KANSL1L: variants seen among roughly 807,000 people sequenced by gnomAD.
KANSL1L encodes KAT8 regulatory NSL complex subunit 1 like, also known as KAT8 regulatory NSL complex subunit 1-like protein.
Under a neutral mutation model 108.6 loss-of-function variants are expected in KANSL1L, and 25 were observed. That is an observed-to-expected ratio of 0.23 (90% CI 0.17 to 0.32). The LOEUF is 0.32. Among genes scored for constraint, KANSL1L ranks in the 10% least tolerant of loss-of-function variants. KANSL1L has a pLI of 1.00. For synonymous variants in KANSL1L, 405 were observed against 395.1 expected (o/e 1.03, Z -0.30); for missense variants, 1,137 against 1,125.7 (o/e 1.01, Z -0.14).
intron 3 of KANSL1L, among the ~76,000 whole-genome samples, chr2:210,123,551 G>A (rs1473053763): frequency 2.0e-5 from 3 of 151,888 alleles, no homozygotes; most frequent in Non-Finnish European, 4.4e-5. Context: ...GGAGAATGGG[G>A]ATGGCTAATG....
intron 3 of KANSL1L, among the ~76,000 whole-genome samples, chr2:210,111,978 G>T (rs2094910418): frequency 6.7e-6 from 1 of 149,620 alleles, no homozygotes; most frequent in Non-Finnish European, 1.5e-5. Context: ...GTGAGAACAT[G>T]CGGTGTTTGG....
chr2:210,072,098 AT>A (rs903914701), intron 6 of KANSL1L, among the ~76,000 whole-genome samples: 16 of 152,202 alleles, frequency 1.1e-4, no homozygotes, highest in Admixed American at 2.6e-4. Flanking sequence ...TGTCCCAATA[AT>A]TTTTTTTCCC....
At chr2:210,147,940 C>T (rs920147404) in intron 2 of KANSL1L, among the ~76,000 whole-genome samples, 1 of 152,112 alleles carries the variant, frequency 6.6e-6, no homozygotes, top group African/African-American at 2.4e-5. Flanking sequence ...TATGGGTCTG[C>T]AAAAACTTAA....
At chr2:210,136,787 A>G (rs2095177710) in intron 2 of KANSL1L, among the ~76,000 whole-genome samples, 1 of 152,216 alleles carries the variant, frequency 6.6e-6, no homozygotes, top group South Asian at 2.1e-4. Flanking sequence ...CTGAAAAGAA[A>G]TAGGATAAAA....
intron 1 of KANSL1L, among the ~76,000 whole-genome samples, chr2:210,161,412 C>A (rs1014007616): frequency 9.9e-5 from 15 of 152,058 alleles, no homozygotes; most frequent in Non-Finnish European, 2.1e-4. Context: ...TATTTCATAC[C>A]TTATATAAAA....
In KANSL1L at chr2:210,154,308, T is replaced by C; in HGVS notation, c.275A>G (p.His92Arg). The change falls in exon 2 of 15, where the codon CAC becomes CGC. Residue 92 changes from histidine (H) to arginine (R), a missense_variant. By Grantham distance (29) the His-to-Arg change is conservative. Transcript: ENST00000281772. Reference protein sequence around the residue: ...LMRSNSTLNKHNENYKQKKLG... With the variant: ...LMRSNSTLNKRNENYKQKKLG... ...TTTCTTTTGTTTATAATTCTCATTG[T>C]GTTTATTTAATGTAGAATTAGATCT... 8 of 1,612,924 alleles carry C rather than the reference T, an allele frequency of 5.0e-6. No individual in the cohort carries two copies. The highest frequency in any genetic ancestry group is 6.8e-6 in the Non-Finnish European group (8 of 1,179,224).
At chr2:210,032,198 T>C (rs947389831) in intron 8 of KANSL1L, 3 of 152,142 alleles carry the variant, frequency 2.0e-5, no homozygotes, top group Non-Finnish European at 2.9e-5. Flanking sequence ...AAAAGAAATA[T>C]GTAAGCTGAA....
At chr2:210,032,740 G>C (rs1280351547) in intron 8 of KANSL1L, 1 of 152,196 alleles carries the variant, frequency 6.6e-6, no homozygotes. Flanking sequence ...AACAGCAGTG[G>C]TAGAAGAGTT....
At chr2:210,050,491 G>A (rs559475205) in intron 6 of KANSL1L, among the ~76,000 whole-genome samples, 11 of 152,164 alleles carry the variant, frequency 7.2e-5, no homozygotes, top group East Asian at 1.9e-4. Context: ...AGCACTAGTC[G>A]TTAGATTGCT....
chr2:210,033,521 A>G (rs1367816279), intron 8 of KANSL1L, among the ~76,000 whole-genome samples: 3 of 152,020 alleles, frequency 2.0e-5, no homozygotes, highest in Non-Finnish European at 4.4e-5. Context: ...GAAGGAATCA[A>G]CTTTCACAAA....
chr2:210,172,053 G>C (rs978444593), upstream of KANSL1L, among the ~76,000 whole-genome samples: 1 of 151,448 alleles, frequency 6.6e-6, no homozygotes, highest in Non-Finnish European at 1.5e-5. Context: ...TTTGAGTGGC[G>C]CTGGACCTAA....
In KANSL1L at chr2:210,163,275, A is replaced by T. The variant is rs180735615; in HGVS notation, c.-30+7874T>A. Among the ~76,000 whole-genome samples, 354 of 152,362 alleles carry T rather than the reference A, an allele frequency of 2.3e-3. 4 individuals carry two copies. Among genetic ancestry groups the T allele is most frequent in the African/African-American group, 8.2e-3 (343 of 41,592 alleles). ...CTAATGGAAAAAACAGACAACATGC[A>T]ACAAATGACAGGTAATGTAAGAAGA... is the stretch of plus-strand genomic sequence containing the variant. On this transcript the variant is annotated intron_variant, in intron 1 of 14. Coordinates refer to ENST00000281772, the MANE Select transcript of KANSL1L (RefSeq NM_152519.4).
chr2:210,079,805 T>TC (rs1485223375), intron 5 of KANSL1L: 3 of 146,990 alleles, frequency 2.0e-5, no homozygotes, highest in African/African-American at 7.5e-5. Context: ...TTTTTTTTTT[T>TC]TTAGATTTCT....
intron 5 of KANSL1L, among the ~76,000 whole-genome samples, chr2:210,077,444 GA>G (rs1329103569): frequency 6.6e-6 from 1 of 152,118 alleles, no homozygotes; most frequent in Non-Finnish European, 1.5e-5. Context: ...AGGGGGAGCA[GA>G]AGGCATACAG....
intron 6 of KANSL1L, among the ~76,000 whole-genome samples, chr2:210,060,317 C>A (rs922203905): frequency 1.3e-5 from 2 of 152,046 alleles, no homozygotes; most frequent in Non-Finnish European, 2.9e-5. Context: ...GCAAATCTGC[C>A]ATAGGAGACA....
chr2:210,114,101 T>C (rs546461764), intron 3 of KANSL1L, among the ~76,000 whole-genome samples: 1 of 152,050 alleles, frequency 6.6e-6, no homozygotes, highest in Non-Finnish European at 1.5e-5. Context: ...CCAAATAAGA[T>C]GAATCCAAAG....
At chr2:210,170,259 G>A (rs1575661075) in intron 1 of KANSL1L, 2 of 566,368 alleles carry the variant, frequency 3.5e-6, no homozygotes, top group Admixed American at 6.3e-5. Context: ...GGCTAAAGAC[G>A]AAGGAAGTTT....
chr2:210,056,316 T>C (rs1337116114), intron 6 of KANSL1L, among the ~76,000 whole-genome samples: 1 of 152,148 alleles, frequency 6.6e-6, no homozygotes, highest in East Asian at 1.9e-4. Context: ...CCGCTGCAAA[T>C]TGCACTGTAA....
chr2:210,023,938 A>G, intron 14 of KANSL1L, 95 bp downstream of exon 14: 3 of 760,244 alleles, frequency 3.9e-6, no homozygotes, highest in East Asian at 3.0e-5. Flanking sequence ...TTGTTATGTA[A>G]TGATGTAATA....
Sources: allele counts gnomAD v4.1 joint callset (sites outside exome capture counted in the v4.1 genomes callset), GRCh38; gene constraint gnomAD v4.1.1; transcripts MANE v1.5; gene names NCBI Gene and HGNC (gene_info 2026-07-23, HGNC 2026-07-21).